Variants in ODAD4 observed in about 807,000 individuals in gnomAD.
ODAD4 encodes the protein outer dynein arm-docking complex subunit 4.
A neutral mutation model predicts 51.8 loss-of-function variants in ODAD4; 49 were observed. The observed-to-expected ratio is 0.95, with a 90% CI of 0.75 to 1.20. The LOEUF (loss-of-function observed/expected upper bound fraction) is 1.20, where lower values mean the gene tolerates loss of function less well. ODAD4 is among the 50% of genes most tolerant of loss of function. The probability of loss-of-function intolerance (pLI) is 0.00; values close to 1 mark genes in which losing one functional copy is unlikely to be tolerated. For missense variants in ODAD4, 590 were observed against 586.5 expected (o/e 1.01, Z -0.06); for synonymous variants, 235 against 221.3 (o/e 1.06, Z -0.55).
At chr17:41,963,633 TTTTC>T (rs1373711724) in intron 11 of ODAD4, among the ~76,000 whole-genome samples, 11 of 152,072 alleles carry the variant, frequency 7.2e-5, no homozygotes, top group Non-Finnish European at 1.2e-4. Context: ...GTGTGATTTC[TTTTC>T]TTTCTTTTTT....
intron 1 of ODAD4, among the ~76,000 whole-genome samples, chr17:41,932,726 CTTTT>C (rs10712306): frequency 8.9e-6 from 1 of 112,052 alleles, no homozygotes. Flanking sequence ...TTCTTTTCTT[CTTTT>C]TTTTTTTTTT....
Position 41,930,763 on chromosome 17 carries a change from C to G in ODAD4, c.40C>G (p.Pro14Ala), listed in dbSNP as rs2050316065. The G allele has an allele frequency of 1.9e-6, 3 of 1,611,304 alleles. No individual in the cohort carries two copies. Among genetic ancestry groups the G allele is most frequent in the Non-Finnish European group, 2.5e-6 (3 of 1,178,650 alleles). ...AGGCGAGACCTTGCGAAGCACCTTT[C>G]CCTCTTATATGGCCGAAGGCGAGCG... ...PEGETLRSTF[P>A]SYMAEGERLY... Residue 14 changes from proline (P) to alanine (A), a missense_variant, in exon 1 of 12, where the codon CCC becomes GCC. This residue lies in a region of ODAD4 where 360 missense variants were observed against 407.5 expected (regional missense o/e 0.88). Coordinates refer to ENST00000377540, the MANE Select transcript of ODAD4 (RefSeq NM_031421.5).
intron 8 of ODAD4, among the ~76,000 whole-genome samples, chr17:41,947,891 G>A (rs1182851221): frequency 1.3e-5 from 2 of 152,206 alleles, no homozygotes; most frequent in South Asian, 2.1e-4. Flanking sequence ...AGGCTGAGGC[G>A]GGTGATCGCC....
At chr17:41,948,956 A>G (rs1239507092) in intron 8 of ODAD4, among the ~76,000 whole-genome samples, 197 bp from the exon 9 acceptor site, 1 of 152,096 alleles carries the variant, frequency 6.6e-6, no homozygotes, top group Non-Finnish European at 1.5e-5. Flanking sequence ...ATTAAATTCC[A>G]CATTCCATAG....
intron 9 of ODAD4, 106 bp from the exon 10 acceptor site, chr17:41,955,111 C>T (rs2050711728): frequency 1.4e-6 from 1 of 714,592 alleles, no homozygotes. Context: ...ACAGCTCACA[C>T]AAGCTTCTGA....
chr17:41,952,563 AAAAAAAC>A, intron 9 of ODAD4: 4 of 332,004 alleles, frequency 1.2e-5, no homozygotes, highest in East Asian at 7.7e-5. Flanking sequence ...AAAAAAAAAA[AAAAAAAC>A]AGAAAGAATG....
chr17:41,947,039 G>A (rs1340247288), intron 8 of ODAD4, among the ~76,000 whole-genome samples: 4 of 151,260 alleles, frequency 2.6e-5, no homozygotes, highest in Admixed American at 6.6e-5. Flanking sequence ...TAGTAGAGAC[G>A]GGGTTTCCCC....
chr17:41,943,183 T>C (rs1006056329), intron 7 of ODAD4, among the ~76,000 whole-genome samples: 1 of 152,216 alleles, frequency 6.6e-6, no homozygotes, highest in Non-Finnish European at 1.5e-5. Flanking sequence ...TCCTTTTCAA[T>C]GTGTTTACCT....
At chr17:41,947,529 G>A (rs1421822442) in intron 8 of ODAD4, among the ~76,000 whole-genome samples, 3 of 151,778 alleles carry the variant, frequency 2.0e-5, no homozygotes, top group Non-Finnish European at 4.4e-5. Context: ...AGGTGTGGTG[G>A]CTCACGCCTG....
rs1292932227 is a variant in ODAD4 at position 41,930,623 on chromosome 17, C to T, written c.-101C>T. On this transcript the variant is annotated 5_prime_UTR_variant, in exon 1 of 12. Coordinates refer to ENST00000377540, the MANE Select transcript of ODAD4 (RefSeq NM_031421.5). ...GGGGGCGGAACCGGAAGTCGCTGTA[C>T]ATCTCATGGTTGCTAAGAAACGGAG... The T allele has an allele frequency of 1.3e-6, 1 of 766,836 alleles. No homozygotes were observed. Among genetic ancestry groups the T allele is most frequent in the Non-Finnish European group, 2.2e-6 (1 of 464,350 alleles). The allele number at this position is 766,836 out of a possible 1,614,324, so 47.5% of individuals were successfully genotyped here. A position where few individuals can be genotyped will look rare whatever the true frequency, so the allele number is the denominator to read the frequency against.
intron 1 of ODAD4, among the ~76,000 whole-genome samples, chr17:41,932,347 A>T (rs1236165173): frequency 1.3e-5 from 2 of 152,060 alleles, no homozygotes; most frequent in Non-Finnish European, 2.9e-5. Flanking sequence ...CTGGGATTAC[A>T]GGCGTGAACC....
chr17:41,948,767 A>G (rs1302578082), intron 8 of ODAD4, among the ~76,000 whole-genome samples: 1 of 151,970 alleles, frequency 6.6e-6, no homozygotes, highest in Non-Finnish European at 1.5e-5. Flanking sequence ...CAGCCTCCCG[A>G]GTAGCTGGAC....
chr17:41,935,544 G>A (rs192189159), intron 2 of ODAD4, 55 bp from the exon 3 acceptor site: 2 of 1,572,380 alleles, frequency 1.3e-6, no homozygotes, highest in Non-Finnish European at 1.7e-6. Flanking sequence ...TCCACCACAT[G>A]TGAGTCCTAT....
At chr17:41,933,138 A>G (rs1365985410) in intron 1 of ODAD4, among the ~76,000 whole-genome samples, 1 of 152,082 alleles carries the variant, frequency 6.6e-6, no homozygotes, top group African/African-American at 2.4e-5. Flanking sequence ...TCCCATCCTG[A>G]AGTACCCACC....
At chr17:41,953,668 T>TAG (rs781894882) in intron 9 of ODAD4, among the ~76,000 whole-genome samples, 1,757 of 145,056 alleles carry the variant, frequency 0.012, 28 homozygotes, top group African/African-American at 0.039. Context: ...TATATATATA[T>TAG]AGAGAGAGAG....
intron 9 of ODAD4, among the ~76,000 whole-genome samples, chr17:41,952,928 G>A (rs2050679105): frequency 6.6e-6 from 1 of 151,784 alleles, no homozygotes; most frequent in Admixed American, 6.6e-5. Context: ...TAGAGAACGG[G>A]GTCTCCCTAT....
intron 11 of ODAD4, among the ~76,000 whole-genome samples, chr17:41,961,895 C>T (rs960665679): frequency 6.6e-6 from 1 of 152,136 alleles, no homozygotes; most frequent in Admixed American, 6.6e-5. Context: ...CATGAGGGTG[C>T]ATGCAACGGG....
At chr17:41,941,626 G>A (rs781941442) in intron 7 of ODAD4, among the ~76,000 whole-genome samples, 3 of 152,020 alleles carry the variant, frequency 2.0e-5, no homozygotes, top group African/African-American at 7.2e-5. Context: ...TTAGCCGGGC[G>A]TAGTGTTAGC....
At chr17:41,947,037 A>G (rs1442196621) in intron 8 of ODAD4, among the ~76,000 whole-genome samples, 1 of 151,058 alleles carries the variant, frequency 6.6e-6, no homozygotes, top group Non-Finnish European at 1.5e-5. Context: ...TTTAGTAGAG[A>G]CGGGGTTTCC....
Sources: allele counts gnomAD v4.1 joint callset (sites outside exome capture counted in the v4.1 genomes callset), GRCh38; gene constraint gnomAD v4.1.1; regional missense constraint gnomAD v4.1.1; transcripts MANE v1.5; gene names NCBI Gene and HGNC (gene_info 2026-07-23, HGNC 2026-07-21).